PCM1: variants seen among roughly 807,000 people sequenced by gnomAD.
PCM1 encodes the protein pericentriolar material 1 protein.
PCM1 carries 157 observed loss-of-function variants against 241.9 expected under a neutral mutation model. The observed-to-expected ratio is 0.65, with a 90% confidence interval of 0.57 to 0.74. PCM1 has a LOEUF of 0.74. Ranked by LOEUF, PCM1 falls within the 30% of genes least tolerant of loss-of-function variation. The pLI is 0.00. For synonymous variants in PCM1, 1,085 were observed against 784.9 expected (o/e 1.38, Z -6.39); for missense variants, 3,478 against 2,360.1 (o/e 1.47, Z -9.81).
At chr8:18,026,358 C>T (rs531226765) in intron 38 of PCM1, among the ~76,000 whole-genome samples, 199 of 147,350 alleles carry the variant, frequency 1.4e-3, no homozygotes, top group Middle Eastern at 3.7e-3. Context: ...CCCAGGTTCG[C>T]GCCATTCTTC....
chr8:18,020,103 G>A (rs1006439869), intron 36 of PCM1, among the ~76,000 whole-genome samples: 3 of 152,016 alleles, frequency 2.0e-5, no homozygotes, highest in Non-Finnish European at 4.4e-5. Flanking sequence ...AATAAACCTG[G>A]CCTTATAACC....
rs1348360068 is a variant in PCM1 at position 17,985,510 on chromosome 8, C to A, written c.4172C>A (p.Thr1391Lys). 1 of 1,576,966 alleles carries A rather than the reference C, an allele frequency of 6.3e-7. No homozygotes were observed. Among genetic ancestry groups the A allele is most frequent in the Non-Finnish European group, 8.6e-7 (1 of 1,158,398 alleles). The change falls in exon 25 of 39, where the codon ACA (threonine) becomes AAA (lysine). Residue 1391 changes from threonine (T) to lysine (K), a missense_variant. Physicochemically the swap from Thr to Lys is moderately conservative, Grantham distance 78. Transcript: ENST00000325083. Reference protein sequence around the residue: ...LRDTIYSEVATLISQNESRPH... With the variant: ...LRDTIYSEVAKLISQNESRPH... The stretch of plus-strand genomic sequence containing the variant: ...GATACTATTTATTCTGAAGTAGCTA[C>A]ATTAATTTCTCAAAATGAATCTCGT...
intron 24 of PCM1, among the ~76,000 whole-genome samples, chr8:17,984,682 G>T (rs960167976): frequency 6.6e-6 from 1 of 151,762 alleles, no homozygotes; most frequent in Admixed American, 6.6e-5. Context: ...TTCTTTGAAA[G>T]CGCAATGTAT....
At chr8:18,009,065 A>G (rs184814347) in intron 30 of PCM1, among the ~76,000 whole-genome samples, 1 of 151,972 alleles carries the variant, frequency 6.6e-6, no homozygotes, top group Non-Finnish European at 1.5e-5. Flanking sequence ...ACATGATCCT[A>G]TATATCAACT....
chr8:17,941,573 G>A (rs1435421569), intron 6 of PCM1, among the ~76,000 whole-genome samples: 1 of 149,084 alleles, frequency 6.7e-6, no homozygotes, highest in African/African-American at 2.5e-5. Flanking sequence ...TTTTTAAATT[G>A]TTTTACAAGG....
chr8:17,938,048 A>G (rs901204723), intron 4 of PCM1, among the ~76,000 whole-genome samples: 1 of 152,184 alleles, frequency 6.6e-6, no homozygotes, highest in African/African-American at 2.4e-5. Flanking sequence ...CTTTAATTAC[A>G]TTGATTCATT....
chr8:17,938,670 C>T (rs909945441), intron 4 of PCM1, 70 bp from the exon 5 acceptor site: 4 of 1,105,438 alleles, frequency 3.6e-6, no homozygotes, highest in Non-Finnish European at 2.7e-6. Context: ...AAACTAAGAA[C>T]ATTGGGGTTA....
intron 15 of PCM1, 30 bp from the exon 16 acceptor site, chr8:17,962,004 T>A (rs376176910): frequency 2.4e-5 from 38 of 1,585,954 alleles, no homozygotes; most frequent in Non-Finnish European, 3.0e-5. Flanking sequence ...CTTTAATTCC[T>A]CATAACGTTT....
chr8:18,008,022 G>C (rs959689363), intron 30 of PCM1, among the ~76,000 whole-genome samples: 1 of 152,216 alleles, frequency 6.6e-6, no homozygotes, highest in African/African-American at 2.4e-5. Flanking sequence ...TTTAAAGAGA[G>C]TTTATTCAAG....
At chr8:17,991,512 A>G (rs1486605016) in intron 27 of PCM1, 30 bp from the exon 28 acceptor site, 1 of 1,544,844 alleles carries the variant, frequency 6.5e-7, no homozygotes, top group Middle Eastern at 1.7e-4. Flanking sequence ...ACTTTTACAT[A>G]CTCAAAAAAT....
intron 31 of PCM1, among the ~76,000 whole-genome samples, chr8:18,010,191 T>A (rs1274069223): frequency 6.6e-6 from 1 of 152,200 alleles, no homozygotes; most frequent in African/African-American, 2.4e-5. Flanking sequence ...TTGTTCTGCC[T>A]TGTCAAATTA....
intron 6 of PCM1, among the ~76,000 whole-genome samples, chr8:17,942,308 A>G (rs1031678643): frequency 3.3e-5 from 5 of 152,148 alleles, no homozygotes; most frequent in African/African-American, 1.2e-4. Context: ...CTCTACTAAA[A>G]ATACAAAAAT....
chr8:18,026,440 T>TA (rs1361219529), intron 38 of PCM1, among the ~76,000 whole-genome samples: 1 of 150,922 alleles, frequency 6.6e-6, no homozygotes, highest in African/African-American at 2.4e-5. Context: ...TTGTATTTTT[T>TA]AAGTAGAGAC....
At chr8:17,984,456 C>T (rs148734162) in intron 24 of PCM1, among the ~76,000 whole-genome samples, 245 of 151,748 alleles carry the variant, frequency 1.6e-3, no homozygotes, top group African/African-American at 5.5e-3. Context: ...GTAACTGAGG[C>T]AAAATAGGGA....
At position 17,993,609 on chromosome 8, in the gene PCM1, C is replaced by G; in HGVS notation, c.4817C>G (p.Pro1606Arg). The part of the protein sequence containing the change: ...QIKAIMKEVI[P>R]FLKEHMDEVC... Reference sequence around the variant, plus strand: ...AAAGCAATTATGAAAGAAGTCATTCCTTTTTTGAAGGTAAGCAATTATTTT... The same window carrying G: ...AAAGCAATTATGAAAGAAGTCATTCGTTTTTTGAAGGTAAGCAATTATTTT... The change falls in exon 29 of 39, where the codon CCT becomes CGT. Residue 1606 changes from proline (P) to arginine (R), a missense_variant. Pro to Arg is a moderately radical substitution (Grantham distance 103). Coordinates refer to ENST00000325083, the MANE Select transcript of PCM1 (RefSeq NM_006197.4). 1 of 1,582,446 alleles carries G rather than the reference C, an allele frequency of 6.3e-7. No individual in the cohort carries two copies. The highest frequency in any genetic ancestry group is 8.6e-7 in the Non-Finnish European group (1 of 1,163,668).
intron 36 of PCM1, among the ~76,000 whole-genome samples, chr8:18,020,331 A>C (rs1243576036): frequency 6.6e-6 from 1 of 152,206 alleles, no homozygotes; most frequent in East Asian, 1.9e-4. Flanking sequence ...TATCTGACCT[A>C]GTATTAGGGA....
Position 17,962,062 on chromosome 8 carries a change from C to G in PCM1, c.2351C>G (p.Pro784Arg), listed in dbSNP as rs201965485. The change falls in exon 16 of 39, where the codon CCC (proline) becomes CGC (arginine). Residue 784 changes from proline (P) to arginine (R), a missense_variant. Physicochemically the swap from Pro to Arg is moderately radical, Grantham distance 103 (BLOSUM62 -2). Coordinates refer to ENST00000325083, the MANE Select transcript of PCM1 (RefSeq NM_006197.4). Reference sequence around the variant, plus strand: ...TCAGCTGCTAGTGTGGGTAACTGTCCCACCAAAAAATATATGCCAGCTGTT... The same window carrying G: ...TCAGCTGCTAGTGTGGGTAACTGTCGCACCAAAAAATATATGCCAGCTGTT... ...QLSAASVGNC[P>R]TKKYMPAVTS... 1.2e-6 allele frequency: 2 copies of G among 1,611,154 alleles called. No individual in the cohort carries two copies. Among genetic ancestry groups the G allele is most frequent in the South Asian group, 2.2e-5 (2 of 90,660 alleles).
At chr8:17,985,352 G>A (rs886791862) in intron 24 of PCM1, 95 bp from the exon 25 acceptor site, 1 of 743,062 alleles carries the variant, frequency 1.3e-6, no homozygotes, top group East Asian at 3.0e-5. Flanking sequence ...AGAATTTTTA[G>A]ATAATTTAAA....
chr8:17,943,329 A>T (rs1021913215), intron 6 of PCM1, among the ~76,000 whole-genome samples: 22 of 152,100 alleles, frequency 1.4e-4, no homozygotes, highest in African/African-American at 5.1e-4. Context: ...TATATCAAAT[A>T]TCAAGTAAAA....
Sources: gnomAD v4.1 joint callset for allele counts (sites outside exome capture counted in the v4.1 genomes callset) on GRCh38, gnomAD v4.1.1 for gene constraint, MANE v1.5 for transcripts, NCBI Gene and HGNC (gene_info 2026-07-23, HGNC 2026-07-21) for gene names.